RIMS2: variants seen among roughly 807,000 people sequenced by gnomAD.
The protein encoded by RIMS2 is regulating synaptic membrane exocytosis protein 2.
A neutral mutation model predicts 174.4 loss-of-function variants in RIMS2; 59 were observed. The ratio of observed to expected loss-of-function variants is 0.34; its 90% CI spans 0.27 to 0.42. The LOEUF (loss-of-function observed/expected upper bound fraction) is 0.42, where lower values mean the gene tolerates loss of function less well. Among genes scored for constraint, RIMS2 ranks in the 10% least tolerant of loss-of-function variants. The pLI is 1.00. For missense variants in RIMS2, 1,620 were observed against 1,666.3 expected, an observed-to-expected ratio of 0.97 and a Z score of 0.48; for synonymous variants, 606 against 572.5, an observed-to-expected ratio of 1.06 and a Z score of -0.84.
chr8:104,057,462 G>C (rs572932727), intron 19 of RIMS2, among the ~76,000 whole-genome samples: 1 of 151,918 alleles, frequency 6.6e-6, no homozygotes, highest in Non-Finnish European at 1.5e-5. Context: ...TGAATTTAGA[G>C]ATCAAAAACA....
At chr8:103,976,548 C>CTCTTTCT in intron 16 of RIMS2, 1 of 124,572 alleles carries the variant, frequency 8.0e-6, no homozygotes, top group Admixed American at 8.0e-5. Flanking sequence ...TTTTCTTTTT[C>CTCTTTCT]TTTTTTTTTT....
chr8:103,885,545 A>C (rs1358991824), exon 4 of RIMS2: 1 of 1,612,540 alleles, frequency 6.2e-7, no homozygotes, highest in Non-Finnish European at 8.5e-7. Context: ...GGATGTGGAA[A>C]GCAGAGATGA....
In RIMS2 at chr8:103,527,911, C is replaced by T. The variant is rs189626823; in HGVS notation, c.176+26849C>T. Among the ~76,000 whole-genome samples, 84 of 152,190 alleles carry T rather than the reference C, an allele frequency of 5.5e-4. 1 individual carries two copies. The highest frequency in any genetic ancestry group is 1.8e-3 in the African/African-American group (75 of 41,528). ...AATCCTTTGGGTATATACCCAGTAA[C>T]GGGATGACTGGGTCAAATGGTATTT... On this transcript the variant is annotated intron_variant, in intron 1 of 23. Transcript: ENST00000504942.
intron 19 of RIMS2, among the ~76,000 whole-genome samples, chr8:104,157,131 A>C (rs1318243283): frequency 6.6e-6 from 1 of 152,200 alleles, no homozygotes; most frequent in Non-Finnish European, 1.5e-5. Flanking sequence ...AAAATATTGA[A>C]TCATGCTACT....
At chr8:103,921,376 A>G (rs906059885) in intron 9 of RIMS2, among the ~76,000 whole-genome samples, 2 of 152,178 alleles carry the variant, frequency 1.3e-5, no homozygotes, top group Admixed American at 6.5e-5. Context: ...TCATTGTAAG[A>G]TATGAATATA....
intron 2 of RIMS2, among the ~76,000 whole-genome samples, chr8:103,711,182 C>T (rs925252588): frequency 3.3e-5 from 5 of 152,188 alleles, no homozygotes; most frequent in African/African-American, 1.2e-4. Flanking sequence ...CTCAGCCTTA[C>T]CTATTCTGAA....
chr8:103,744,688 C>A (rs1284094525), intron 2 of RIMS2, among the ~76,000 whole-genome samples: 1 of 152,122 alleles, frequency 6.6e-6, no homozygotes, highest in South Asian at 2.1e-4. Flanking sequence ...GCCAAGGGAA[C>A]AGGCCTAACC....
intron 4 of RIMS2, among the ~76,000 whole-genome samples, chr8:103,890,780 C>A (rs1011909838): frequency 2.3e-4 from 35 of 151,844 alleles, no homozygotes; most frequent in African/African-American, 7.7e-4. Flanking sequence ...TTTGAACATT[C>A]TTCTCAAAGT....
intron 8 of RIMS2, among the ~76,000 whole-genome samples, chr8:103,917,749 T>G (rs1312928611): frequency 1.3e-5 from 2 of 152,140 alleles, no homozygotes; most frequent in Non-Finnish European, 2.9e-5. Context: ...CGGTGGCTCA[T>G]GCCTGTAATC....
intron 17 of RIMS2, among the ~76,000 whole-genome samples, chr8:104,008,686 T>C (rs2095664296): frequency 6.6e-6 from 1 of 151,950 alleles, no homozygotes. Context: ...GGCTTGTGGG[T>C]AATAGTAATT....
In RIMS2 at chr8:103,918,418, CTTTT is replaced by C; in HGVS notation, c.2037-15_2037-12del. The C allele has an allele frequency of 1.8e-6, 2 of 1,138,800 alleles. No homozygotes were observed. The highest frequency in any genetic ancestry group is 3.3e-5 in the South Asian group (2 of 60,544). The allele number at this position is 1,138,800 out of a possible 1,614,324, so 70.5% of individuals were successfully genotyped here. On this transcript the variant is annotated intron_variant, in intron 8 of 23. Transcript: ENST00000504942. Reference sequence around the variant, plus strand: ...AATTGTTGAAACAGTTTCTGTCTTTCTTTTTTTTTTTAATCATTTCAGAGATATA... The same window carrying C: ...AATTGTTGAAACAGTTTCTGTCTTTCTTTTTTTAATCATTTCAGAGATATA...
At chr8:104,129,846 A>C (rs983652868) in intron 19 of RIMS2, among the ~76,000 whole-genome samples, 1 of 152,124 alleles carries the variant, frequency 6.6e-6, no homozygotes, top group Non-Finnish European at 1.5e-5. Flanking sequence ...CATAGCATTG[A>C]CTCCAGTGCC....
At chr8:103,669,285 C>G (rs181203023) in intron 1 of RIMS2, among the ~76,000 whole-genome samples, 2 of 152,162 alleles carry the variant, frequency 1.3e-5, no homozygotes, top group African/African-American at 4.8e-5. Flanking sequence ...TTGTCTCCCC[C>G]TGGGTTCTTC....
At position 103,564,549 on chromosome 8, in the gene RIMS2, C is replaced by T. The variant is rs554215719; in HGVS notation, c.176+63487C>T. Among the ~76,000 whole-genome samples the T allele has an allele frequency of 3.3e-5, 5 of 152,272 alleles. No homozygotes were observed. The South Asian group carries it at 8.3e-4, about 25-fold the overall frequency. On this transcript the variant is annotated intron_variant, in intron 1 of 23. Transcript: ENST00000504942. The stretch of plus-strand genomic sequence containing the variant: ...CAGCCTTCAGTCTGTGGTTGAAGGT[C>T]CAAGAGCCTCTGGCAAACCACTGGT...
chr8:103,816,666 G>T (rs776478893), intron 3 of RIMS2, among the ~76,000 whole-genome samples: 5 of 152,164 alleles, frequency 3.3e-5, no homozygotes, highest in Non-Finnish European at 5.9e-5. Flanking sequence ...AATGGAGAGG[G>T]AAGGTGGAAG....
At chr8:104,095,839 G>A (rs2097753642) in intron 19 of RIMS2, among the ~76,000 whole-genome samples, 1 of 152,024 alleles carries the variant, frequency 6.6e-6, no homozygotes, top group Admixed American at 6.6e-5. Flanking sequence ...CTCACAGTGA[G>A]ACAGATATTC....
chr8:103,604,492 G>T (rs2094943240), intron 1 of RIMS2, among the ~76,000 whole-genome samples: 1 of 152,132 alleles, frequency 6.6e-6, no homozygotes, highest in South Asian at 2.1e-4. Context: ...GCTCTTTTTT[G>T]GTTCCATATG....
At chr8:103,963,773 C>A (rs181297978) in intron 15 of RIMS2, among the ~76,000 whole-genome samples, 1 of 152,152 alleles carries the variant, frequency 6.6e-6, no homozygotes. Context: ...TGGATTTGGA[C>A]AAATTGATAA....
chr8:103,795,342 C>A (rs1489682607), intron 3 of RIMS2, among the ~76,000 whole-genome samples: 1 of 150,886 alleles, frequency 6.6e-6, no homozygotes, highest in Non-Finnish European at 1.5e-5. Context: ...GACAGAAAAC[C>A]AGACGCTAGA....
Sources: allele counts gnomAD v4.1 joint callset (sites outside exome capture counted in the v4.1 genomes callset), GRCh38; gene constraint gnomAD v4.1.1; transcripts MANE v1.5; gene names NCBI Gene and HGNC (gene_info 2026-07-23, HGNC 2026-07-21).